The following ENTPD5 variants were observed in gnomAD, a reference collection of about 807,000 sequenced individuals.
ENTPD5 encodes the protein ectonucleoside triphosphate diphosphohydrolase 5 (inactive), also known as nucleoside diphosphate phosphatase ENTPD5.
A neutral mutation model predicts 60.2 loss-of-function variants in ENTPD5; 49 were observed. That is an observed-to-expected ratio of 0.81 (90% CI 0.65 to 1.03). ENTPD5 has a LOEUF of 1.03. ENTPD5 is among the 50% of genes least tolerant of loss of function. The probability of loss-of-function intolerance (pLI) is 0.00; values close to 1 mark genes in which losing one functional copy is unlikely to be tolerated. For synonymous variants in ENTPD5, 187 were observed against 185.4 expected (o/e 1.01, Z -0.07); for missense variants, 480 against 507.6 (o/e 0.95, Z 0.52).
intron 5 of ENTPD5, among the ~76,000 whole-genome samples, chr14:73,984,468 T>C (rs4903163): frequency 0.84 from 127,479 of 152,172 alleles, 53,802 homozygotes; most frequent in East Asian, 0.95. Context: ...ATGTCAGGCT[T>C]ATTCCTGTAT....
rs2140499716 is a variant in ENTPD5, at chr14:73,973,908, A to AT, written c.854_855insA (p.Val286CysfsTer16). 1 of 1,613,762 alleles carries AT rather than the reference A, an allele frequency of 6.2e-7. No individual in the cohort carries two copies. Among genetic ancestry groups the AT allele is most frequent in the East Asian group, 2.2e-5 (1 of 44,896 alleles). ...GGTTGCCACCATACTGGTATTTCAC[A>AT]CCCCCAAAGATCCACTCTGCTTCCA... On this transcript the variant is annotated frameshift_variant, in exon 12 of 16. Transcript: ENST00000334696. LOFTEE classifies it high-confidence loss of function.
chr14:74,010,562 A>T (rs977797040), intron 3 of ENTPD5, among the ~76,000 whole-genome samples: 22 of 152,110 alleles, frequency 1.4e-4, no homozygotes, highest in South Asian at 2.1e-4. Flanking sequence ...CTCAAAAAAA[A>T]AAAATAAAAA....
chr14:73,988,035 T>TGGGA lies in ENTPD5; in HGVS notation c.64_67dup (p.His23LeufsTer10). 3 of 1,614,090 alleles carry TGGGA rather than the reference T, an allele frequency of 1.9e-6. No individual in the cohort carries two copies. The highest frequency in any genetic ancestry group is 2.5e-6 in the Non-Finnish European group (3 of 1,180,030). The stretch of plus-strand genomic sequence containing the variant: ...CTCAAACCAAGTCTGCTGGTTCCTG[T>TGGGA]GGGAGACAGCGCTGCAAACACAGGA... On this transcript the variant is annotated frameshift_variant, in exon 4 of 16. Transcript: ENST00000334696. LOFTEE classifies it high-confidence loss of function.
chr14:73,984,501 G>A (rs904675017), intron 5 of ENTPD5, among the ~76,000 whole-genome samples: 2 of 152,142 alleles, frequency 1.3e-5, no homozygotes, highest in Non-Finnish European at 2.9e-5. Flanking sequence ...CACAGTAGAT[G>A]CTCAATTTGT....
At chr14:73,959,009 T>C, downstream of ENTPD5, 1 of 1,614,168 alleles carries the variant, frequency 6.2e-7, no homozygotes, top group Non-Finnish European at 8.5e-7. Flanking sequence ...TACGGCAGGC[T>C]GTTGGAATCC....
chr14:73,997,484 C>T (rs2058373898), intron 3 of ENTPD5, among the ~76,000 whole-genome samples: 1 of 152,098 alleles, frequency 6.6e-6, no homozygotes, highest in Admixed American at 6.6e-5. Context: ...ATCTGAGCTC[C>T]ACAGCAAAGC....
intron 3 of ENTPD5, among the ~76,000 whole-genome samples, chr14:73,997,206 G>A (rs1328325683): frequency 2.0e-5 from 3 of 152,244 alleles, no homozygotes; most frequent in African/African-American, 2.4e-5. Flanking sequence ...ATATAGAGGT[G>A]TACCAGAATA....
intron 6 of ENTPD5, among the ~76,000 whole-genome samples, chr14:73,981,171 C>G (rs1035277662): frequency 3.3e-5 from 5 of 151,642 alleles, no homozygotes; most frequent in Non-Finnish European, 7.4e-5. Context: ...ACTCTCTATA[C>G]TTAAATTTTT....
At chr14:73,971,969 C>A (rs1217551283) in intron 13 of ENTPD5, 61 bp from the exon 14 acceptor site, 13 of 938,930 alleles carry the variant, frequency 1.4e-5, no homozygotes, top group Non-Finnish European at 1.8e-5. Context: ...TAAGGAAATT[C>A]ATTCATTCAT....
chr14:73,969,519 T>C (rs1388428617), intron 15 of ENTPD5, among the ~76,000 whole-genome samples: 1 of 152,002 alleles, frequency 6.6e-6, no homozygotes, highest in East Asian at 1.9e-4. Flanking sequence ...CTGGCCAACA[T>C]AGTGAAACCC....
In ENTPD5 at chr14:73,988,173, C is replaced by T; in HGVS notation, c.-70-1G>A. The T allele has an allele frequency of 2.6e-6, 4 of 1,518,706 alleles. No individual in the cohort carries two copies. The South Asian group carries it at 5.1e-5, about 19-fold the overall frequency. 94.1% of individuals were successfully genotyped at this position (1,518,706 alleles called of 1,614,324 possible). A position where few individuals can be genotyped will look rare whatever the true frequency, so the allele number is the denominator to read the frequency against. On this transcript the variant is annotated splice_acceptor_variant, in intron 3 of 15. Coordinates refer to ENST00000334696, the MANE Select transcript of ENTPD5 (RefSeq NM_001249.5). LOFTEE classifies it low-confidence loss of function (5UTR_SPLICE). ...AATCCTGCTCGCACACCTGCAGAGG[C>T]TTATAGGACAAAGACACACAAGTTA...
chr14:74,008,369 T>C (rs1001195120), intron 3 of ENTPD5, among the ~76,000 whole-genome samples: 3 of 151,768 alleles, frequency 2.0e-5, no homozygotes, highest in African/African-American at 7.2e-5. Context: ...CCTTTTATTT[T>C]TTATTATTTA....
chr14:73,981,616 C>G (rs184439951), intron 6 of ENTPD5, among the ~76,000 whole-genome samples: 124 of 152,018 alleles, frequency 8.2e-4, no homozygotes, highest in Middle Eastern at 3.4e-3. Context: ...CAAGCCTGGG[C>G]AACATGGTGA....
intron 3 of ENTPD5, among the ~76,000 whole-genome samples, chr14:73,992,862 G>A (rs1361121306): frequency 1.3e-5 from 2 of 151,688 alleles, no homozygotes; most frequent in African/African-American, 4.8e-5. Flanking sequence ...AATTAGCCGG[G>A]CATGGTGGTA....
downstream of ENTPD5, chr14:73,955,486 TAC>T: frequency 6.2e-7 from 1 of 1,614,172 alleles, no homozygotes; most frequent in Non-Finnish European, 8.5e-7. Context: ...CAACATGAGA[TAC>T]AGAGCCTTTC....
chr14:73,986,931 G>C (rs1471956068), intron 4 of ENTPD5, 38 bp from the exon 5 acceptor site: 1 of 1,510,700 alleles, frequency 6.6e-7, no homozygotes, highest in Non-Finnish European at 9.2e-7. Context: ...GAGAGAGCTG[G>C]TTACCAAAAG....
chr14:74,014,096 G>A (rs891279886), intron 2 of ENTPD5, among the ~76,000 whole-genome samples: 6 of 152,060 alleles, frequency 3.9e-5, no homozygotes, highest in African/African-American at 1.4e-4. Flanking sequence ...TGTTGGGATG[G>A]ACAACTAATA....
chr14:74,016,421 G>T (rs2059018414), intron 1 of ENTPD5, among the ~76,000 whole-genome samples: 1 of 152,204 alleles, frequency 6.6e-6, no homozygotes. Context: ...AGGATCACCT[G>T]AGCTCAGGAG....
At position 73,983,044 on chromosome 14, in the gene ENTPD5, G is replaced by A; in HGVS notation, c.415C>T (p.His139Tyr). 1 of 1,614,164 alleles carries A rather than the reference G, an allele frequency of 6.2e-7. No individual in the cohort carries two copies. The highest frequency in any genetic ancestry group is 8.5e-7 in the Non-Finnish European group (1 of 1,180,006). Residue 139 changes from histidine (H) to tyrosine (Y), a missense_variant, in exon 6 of 16, where the codon CAC (histidine) becomes TAC (tyrosine). By Grantham distance (83) the His-to-Tyr change is moderately conservative (BLOSUM62 2). Coordinates refer to ENST00000334696, the MANE Select transcript of ENTPD5 (RefSeq NM_001249.5). ...ATAGLRLLPE[H>Y]KAKALLFEVK... is the part of the protein sequence containing the mutation. ...TCAAAGAGCAGAGCCTTGGCTTTGT[G>A]TTCTGGCAGTAAGCGTAGTCCTGCT...
Sources: allele counts gnomAD v4.1 joint callset (sites outside exome capture counted in the v4.1 genomes callset), GRCh38; gene constraint gnomAD v4.1.1; transcripts MANE v1.5; gene names NCBI Gene and HGNC (gene_info 2026-07-23, HGNC 2026-07-21).